Variants in DLGAP2 observed in about 807,000 individuals in gnomAD.
DLGAP2 encodes DLG associated protein 2, also known as disks large-associated protein 2.
A neutral mutation model predicts 100.3 loss-of-function variants in DLGAP2; 26 were observed. That is an observed-to-expected ratio of 0.26 (90% CI 0.19 to 0.36). DLGAP2 has a LOEUF of 0.36. Among genes scored for constraint, DLGAP2 ranks in the 10% least tolerant of loss-of-function variants. The probability of loss-of-function intolerance (pLI) is 1.00; values close to 1 mark genes in which losing one functional copy is unlikely to be tolerated. For missense variants in DLGAP2, 1,858 were observed against 1,453.2 expected (o/e 1.28, Z -4.53); for synonymous variants, 886 against 630.1 (o/e 1.41, Z -6.08).
At chr8:1,552,771 C>G (rs528374169) in intron 5 of DLGAP2, among the ~76,000 whole-genome samples, 1 of 152,342 alleles carries the variant, frequency 6.6e-6, no homozygotes, top group Non-Finnish European at 1.5e-5. Context: ...GACAGGATCA[C>G]TTTTCATTTT....
intron 1 of DLGAP2, among the ~76,000 whole-genome samples, chr8:898,181 G>A (rs949704856): frequency 3.3e-5 from 5 of 152,350 alleles, no homozygotes; most frequent in African/African-American, 1.2e-4. Flanking sequence ...GTTCTTGTCT[G>A]TGACCTGTGT....
chr8:1,412,349 C>G (rs180958698), intron 3 of DLGAP2, among the ~76,000 whole-genome samples: 43 of 152,360 alleles, frequency 2.8e-4, no homozygotes, highest in Non-Finnish European at 5.3e-4. Context: ...CTCCCGGGCT[C>G]TTTCTCCTCC....
At chr8:1,266,189 C>G (rs535713832) in intron 3 of DLGAP2, among the ~76,000 whole-genome samples, 13 of 152,360 alleles carry the variant, frequency 8.5e-5, no homozygotes, top group African/African-American at 1.9e-4. Flanking sequence ...TGTCTACTAT[C>G]TGCGAAAGGG....
At chr8:762,014 A>G (rs1180339958) in intron 1 of DLGAP2, among the ~76,000 whole-genome samples, 1 of 152,224 alleles carries the variant, frequency 6.6e-6, no homozygotes, top group Non-Finnish European at 1.5e-5. Flanking sequence ...TGCAGCATCC[A>G]GAATATTTAC....
intron 2 of DLGAP2, among the ~76,000 whole-genome samples, chr8:1,206,845 C>G (rs1245194909): frequency 6.6e-6 from 1 of 152,206 alleles, no homozygotes; most frequent in East Asian, 1.9e-4. Context: ...GCTGACACAG[C>G]AAGGTTTTCC....
intron 3 of DLGAP2, among the ~76,000 whole-genome samples, chr8:1,321,155 G>A (rs1345942381): frequency 1.3e-5 from 2 of 150,724 alleles, no homozygotes; most frequent in Non-Finnish European, 3.0e-5. Flanking sequence ...GCATGCATCC[G>A]TGCCCGTATG....
At chr8:965,560 C>T (rs563931458) in intron 2 of DLGAP2, among the ~76,000 whole-genome samples, 76 of 137,968 alleles carry the variant, frequency 5.5e-4, no homozygotes, top group African/African-American at 1.7e-3. Context: ...GGCTCCTGAG[C>T]CCAACCCCCG....
chr8:1,342,060 C>T lies in DLGAP2; in HGVS notation c.106+83177C>T, dbSNP rs189058639. On this transcript the variant is annotated intron_variant, in intron 3 of 14. Transcript: ENST00000637795. ...CGACCTTCTGGGCTGAGGTGATTCT[C>T]TCACCTCAGCTTCCCAGGTAGCTGG... 2.2e-3 allele frequency among the ~76,000 whole-genome samples: 331 copies of T among 152,206 alleles called. 1 individual carries two copies. Among genetic ancestry groups the T allele is most frequent in the African/African-American group, 7.6e-3 (317 of 41,516 alleles).
At position 860,195 on chromosome 8, in the gene DLGAP2, G is replaced by C. The variant is rs546582969; in HGVS notation, c.19-47717G>C. Among the ~76,000 whole-genome samples the C allele has an allele frequency of 8.5e-5, 13 of 152,242 alleles. No individual in the cohort carries two copies. In the South Asian group the frequency reaches 2.5e-3, roughly 29 times the overall value. The stretch of plus-strand genomic sequence containing the variant: ...TACTTCTTGTGGTAGCCTTACAGAC[G>C]GCCTTTCAGGTGGCCTTCGTTATGT... On this transcript the variant is annotated intron_variant, in intron 1 of 14. Coordinates refer to ENST00000637795, the MANE Select transcript of DLGAP2 (RefSeq NM_001346810.2).
chr8:1,256,208 C>G (rs1447795910), intron 2 of DLGAP2, among the ~76,000 whole-genome samples: 5 of 97,666 alleles, frequency 5.1e-5, no homozygotes, highest in Non-Finnish European at 9.3e-5. Flanking sequence ...CTCTCATGCC[C>G]GGGTGCTGTG....
intron 2 of DLGAP2, among the ~76,000 whole-genome samples, chr8:1,036,162 C>T (rs553025199): frequency 8.2e-4 from 122 of 148,246 alleles, no homozygotes; most frequent in African/African-American, 3.0e-3. Flanking sequence ...AGTGGATTCA[C>T]ACGCTCATCC....
chr8:1,539,834 C>A (rs566905098), intron 4 of DLGAP2, among the ~76,000 whole-genome samples: 1 of 152,162 alleles, frequency 6.6e-6, no homozygotes, highest in Non-Finnish European at 1.5e-5. Flanking sequence ...ATGAGCACCA[C>A]GGCCCGTGTC....
chr8:1,640,996 C>T (rs775903298), intron 8 of DLGAP2, among the ~76,000 whole-genome samples: 1 of 152,140 alleles, frequency 6.6e-6, no homozygotes, highest in Non-Finnish European at 1.5e-5. Context: ...AGCACAGTCT[C>T]TGCGGAGAGG....
intron 1 of DLGAP2, among the ~76,000 whole-genome samples, chr8:873,891 C>CA (rs1202398532): frequency 6.6e-6 from 1 of 152,136 alleles, no homozygotes; most frequent in Non-Finnish European, 1.5e-5. Flanking sequence ...TTGCAGTCTT[C>CA]ACTCTCGAGA....
chr8:994,586 A>G (rs1044288958), intron 2 of DLGAP2, among the ~76,000 whole-genome samples: 1 of 152,134 alleles, frequency 6.6e-6, no homozygotes, highest in Non-Finnish European at 1.5e-5. Context: ...CTAATTCTGC[A>G]CCTGTGCTGC....
intron 2 of DLGAP2, among the ~76,000 whole-genome samples, chr8:978,926 T>C (rs1208977599): frequency 6.6e-6 from 1 of 152,206 alleles, no homozygotes; most frequent in Non-Finnish European, 1.5e-5. Flanking sequence ...AACTCCGTAA[T>C]CTTTCTCTGC....
chr8:1,000,472 C>A (rs1312174866), intron 2 of DLGAP2, among the ~76,000 whole-genome samples: 9 of 150,422 alleles, frequency 6.0e-5, no homozygotes, highest in Non-Finnish European at 1.2e-4. Context: ...TGGATTTTCT[C>A]TAGAGCGGAC....
At chr8:821,799 T>C (rs928460850) in intron 1 of DLGAP2, among the ~76,000 whole-genome samples, 1 of 152,252 alleles carries the variant, frequency 6.6e-6, no homozygotes, top group South Asian at 2.1e-4. Flanking sequence ...AATGGTTAAA[T>C]GTACATTATT....
intron 3 of DLGAP2, among the ~76,000 whole-genome samples, chr8:1,290,300 C>T (rs1800030060): frequency 6.6e-6 from 1 of 152,178 alleles, no homozygotes; most frequent in African/African-American, 2.4e-5. Flanking sequence ...CATCCAATTC[C>T]ATCGAGTTGT....
Sources: gnomAD v4.1 joint callset for allele counts (sites outside exome capture counted in the v4.1 genomes callset) on GRCh38, gnomAD v4.1.1 for gene constraint, MANE v1.5 for transcripts, NCBI Gene and HGNC (gene_info 2026-07-23, HGNC 2026-07-21) for gene names.